The following PSD3 variants were observed in gnomAD, a reference collection of about 807,000 sequenced individuals.
PSD3 encodes PH and SEC7 domain-containing protein 3.
Under a neutral mutation model 105.5 loss-of-function variants are expected in PSD3, and 49 were observed. The ratio of observed to expected loss-of-function variants is 0.46; its 90% CI spans 0.37 to 0.59. PSD3 has a LOEUF of 0.59. Among genes scored for constraint, PSD3 ranks in the 20% least tolerant of loss-of-function variants. PSD3 has a pLI of 0.00. For missense variants in PSD3, 1,561 were observed against 1,263.8 expected (o/e 1.24, Z -3.57); for synonymous variants, 557 against 457.8 (o/e 1.22, Z -2.77).
intron 1 of PSD3, among the ~76,000 whole-genome samples, chr8:19,052,715 AGGGGGAAGGAGT>A (rs1419561269): frequency 2.6e-4 from 40 of 152,210 alleles, no homozygotes; most frequent in African/African-American, 9.4e-4. Flanking sequence ...GTCTACACAA[AGGGGGAAGGAGT>A]CTAGTTGCTG....
chr8:18,564,075 C>T (rs999536384), intron 14 of PSD3, among the ~76,000 whole-genome samples: 14 of 151,186 alleles, frequency 9.3e-5, no homozygotes, highest in African/African-American at 3.4e-4. Flanking sequence ...TTAATAGCTC[C>T]TTAGGCACTG....
Position 18,625,187 on chromosome 8 carries a change from T to TACACACACACACAC in PSD3, c.2410+7412_2410+7425dup, listed in dbSNP as rs3042894. On this transcript the variant is annotated intron_variant, in intron 11 of 15. Coordinates refer to ENST00000327040, the MANE Select transcript of PSD3 (RefSeq NM_015310.4). ...TTTGTGTTAGAACTGAGGTGGGGAATACACACACACACACACACACACACA... is the reference window on the plus strand; with the variant it reads ...TTTGTGTTAGAACTGAGGTGGGGAATACACACACACACACACACACACACACACACACACACACA... Among the ~76,000 whole-genome samples the TACACACACACACAC allele has an allele frequency of 6.7e-3, 1,001 of 149,350 alleles. 16 individuals carry two copies. Among genetic ancestry groups the TACACACACACACAC allele is most frequent in the African/African-American group, 0.024 (955 of 40,582 alleles).
chr8:18,923,271 T>A (rs1417291608), intron 2 of PSD3, among the ~76,000 whole-genome samples: 1 of 152,220 alleles, frequency 6.6e-6, no homozygotes, highest in Non-Finnish European at 1.5e-5. Flanking sequence ...CTGGGCTGCA[T>A]GTGGCCCATG....
chr8:18,573,681 G>C (rs1324343277), intron 13 of PSD3, among the ~76,000 whole-genome samples: 2 of 152,146 alleles, frequency 1.3e-5, no homozygotes, highest in Admixed American at 1.3e-4. Flanking sequence ...AATAAAAGAA[G>C]CCAGACACAA....
intron 12 of PSD3, among the ~76,000 whole-genome samples, chr8:18,588,349 T>A (rs1335813000): frequency 1.3e-5 from 2 of 152,170 alleles, no homozygotes; most frequent in Non-Finnish European, 2.9e-5. Flanking sequence ...GATTGAGGAA[T>A]TAGTCTCTAG....
intron 9 of PSD3, among the ~76,000 whole-genome samples, chr8:18,668,393 C>T (rs1419902128): frequency 6.6e-6 from 1 of 152,226 alleles, no homozygotes; most frequent in Admixed American, 6.5e-5. Context: ...CTAGCCATTT[C>T]AAATAACTGA....
chr8:19,025,667 C>A (rs79662305), intron 1 of PSD3, among the ~76,000 whole-genome samples: 1 of 152,174 alleles, frequency 6.6e-6, no homozygotes, highest in East Asian at 1.9e-4. Flanking sequence ...CAACCCCAGA[C>A]TTACTGTTGG....
chr8:18,994,556 T>C (rs1284924299), intron 1 of PSD3, among the ~76,000 whole-genome samples: 4 of 152,076 alleles, frequency 2.6e-5, no homozygotes, highest in Non-Finnish European at 2.9e-5. Context: ...ACCTGAAATA[T>C]GGCAGATGTG....
intron 9 of PSD3, among the ~76,000 whole-genome samples, chr8:18,688,264 G>C (rs547414334): frequency 6.9e-6 from 1 of 144,556 alleles, no homozygotes; most frequent in East Asian, 2.3e-4. Context: ...CTGTTTGTTT[G>C]TTTGTTTGTT....
chr8:18,581,783 C>T (rs1311380183), intron 12 of PSD3, among the ~76,000 whole-genome samples: 1 of 152,174 alleles, frequency 6.6e-6, no homozygotes, highest in Non-Finnish European at 1.5e-5. Context: ...GGACCAGACG[C>T]TATGTTTATT....
chr8:18,537,547 C>T (rs1480841146), intron 15 of PSD3, among the ~76,000 whole-genome samples: 2 of 152,134 alleles, frequency 1.3e-5, no homozygotes, highest in East Asian at 3.9e-4. Context: ...TCTCTTGTAG[C>T]TAAGTTGGGC....
chr8:18,809,462 A>G (rs2200620), intron 4 of PSD3, among the ~76,000 whole-genome samples: 25,580 of 152,086 alleles, frequency 0.17, 2,349 homozygotes, highest in Middle Eastern at 0.27. Flanking sequence ...TTTGAATCAT[A>G]CTAAGATTGG....
intron 9 of PSD3, among the ~76,000 whole-genome samples, chr8:18,685,548 G>A (rs1310708562): frequency 1.3e-5 from 2 of 152,016 alleles, no homozygotes; most frequent in Non-Finnish European, 2.9e-5. Flanking sequence ...TTTGGAATAG[G>A]TTTTGGAAGA....
intron 4 of PSD3, among the ~76,000 whole-genome samples, chr8:18,814,855 G>T (rs1812071081): frequency 6.6e-6 from 1 of 152,174 alleles, no homozygotes; most frequent in African/African-American, 2.4e-5. Flanking sequence ...CTGTCAGGTT[G>T]AATTAGTATC....
intron 2 of PSD3, among the ~76,000 whole-genome samples, chr8:18,885,305 CAAAA>C (rs199706556): frequency 6.6e-6 from 1 of 151,582 alleles, no homozygotes; most frequent in African/African-American, 2.4e-5. Flanking sequence ...TTTTAAAAGA[CAAAA>C]AAAAGTTTAA....
At chr8:18,836,904 C>T (rs60104279) in intron 4 of PSD3, among the ~76,000 whole-genome samples, 1 of 151,306 alleles carries the variant, frequency 6.6e-6, no homozygotes, top group Non-Finnish European at 1.5e-5. Flanking sequence ...TCACAGATAC[C>T]AGGGCTGACT....
chr8:18,811,503 T>C (rs563265296), intron 4 of PSD3, among the ~76,000 whole-genome samples: 2 of 152,108 alleles, frequency 1.3e-5, no homozygotes, highest in South Asian at 4.2e-4. Context: ...ATTCTACATA[T>C]TAGAAGGTGA....
At chr8:18,788,177 C>T (rs1482735510) in intron 8 of PSD3, among the ~76,000 whole-genome samples, 1 of 152,170 alleles carries the variant, frequency 6.6e-6, no homozygotes, top group Non-Finnish European at 1.5e-5. Flanking sequence ...AGCGAGCAAG[C>T]AAACAGGTTA....
intron 9 of PSD3, among the ~76,000 whole-genome samples, chr8:18,718,366 T>C (rs1802734485): frequency 6.6e-6 from 1 of 152,260 alleles, no homozygotes; most frequent in Non-Finnish European, 1.5e-5. Flanking sequence ...AGAAGATTTG[T>C]AGCTTTAGCA....
Sources: gnomAD v4.1 joint callset for allele counts (sites outside exome capture counted in the v4.1 genomes callset) on GRCh38, gnomAD v4.1.1 for gene constraint, MANE v1.5 for transcripts, NCBI Gene and HGNC (gene_info 2026-07-23, HGNC 2026-07-21) for gene names.